Variants in FNDC1 observed in about 807,000 individuals in gnomAD.
FNDC1 encodes the protein fibronectin type III domain containing 1.
A neutral mutation model predicts 168.0 loss-of-function variants in FNDC1; 96 were observed. The observed-to-expected ratio is 0.57, with a 90% confidence interval of 0.48 to 0.68. The LOEUF (loss-of-function observed/expected upper bound fraction) is 0.68. FNDC1 is among the 30% of genes least tolerant of loss of function. The probability of loss-of-function intolerance (pLI) is 0.00; values close to 1 mark genes in which losing one functional copy is unlikely to be tolerated. For synonymous variants in FNDC1, 1,099 were observed against 1,025.9 expected (o/e 1.07, Z -1.36); for missense variants, 2,587 against 2,482.1 (o/e 1.04, Z -0.90).
intron 5 of FNDC1, among the ~76,000 whole-genome samples, chr6:159,221,207 C>G (rs1782814833): frequency 6.6e-6 from 1 of 152,182 alleles, no homozygotes; most frequent in Non-Finnish European, 1.5e-5. Context: ...GAGTAACCTC[C>G]TCTTCTCAAT....
chr6:159,269,619 CTATCTAT>C (rs1777700528), intron 22 of FNDC1, among the ~76,000 whole-genome samples: 1 of 151,134 alleles, frequency 6.6e-6, no homozygotes, highest in Non-Finnish European at 1.5e-5. Context: ...ATCTATCTAT[CTATCTAT>C]CTATCTATCT....
chr6:159,179,900 C>T (rs963612205), intron 1 of FNDC1, among the ~76,000 whole-genome samples: 5 of 152,068 alleles, frequency 3.3e-5, no homozygotes, highest in African/African-American at 1.2e-4. Context: ...GGGGTGGTGC[C>T]GAGTGTGGGA....
intron 4 of FNDC1, among the ~76,000 whole-genome samples, chr6:159,204,726 T>C (rs1417710208): frequency 6.6e-6 from 1 of 152,240 alleles, no homozygotes; most frequent in African/African-American, 2.4e-5. Context: ...GATGAAGAGC[T>C]GATCTGATTT....
chr6:159,197,759 C>T, intron 2 of FNDC1, 134 bp downstream of exon 2: 1 of 719,904 alleles, frequency 1.4e-6, no homozygotes, highest in Non-Finnish European at 2.2e-6. Context: ...GAATGGAGAG[C>T]TGAGTTCTGA....
chr6:159,232,819 T>C lies in FNDC1; in HGVS notation c.2307T>C (p.Ser769=). The C allele has an allele frequency of 6.2e-7, 1 of 1,613,948 alleles. No homozygotes were observed. Among genetic ancestry groups the C allele is most frequent in the Non-Finnish European group, 8.5e-7 (1 of 1,179,896 alleles). The part of the protein sequence containing the change: ...SRSTMSSSVS[S]HLSSRTQVSE... ...CCACCATGTCCTCCTCCGTCTCTTC[T>C]CATCTCTCGTCCAGGACGCAGGTCT... Residue 769 remains serine, a synonymous_variant, in exon 11 of 23, where the codon TCT becomes TCC. Coordinates refer to ENST00000297267, the MANE Select transcript of FNDC1 (RefSeq NM_032532.3). The surrounding 1 kb of genome is among the most constrained non-coding windows in gnomAD (Gnocchi z 4.9).
At chr6:159,200,158 G>A in intron 3 of FNDC1, 76 bp downstream of exon 3, 2 of 1,089,058 alleles carry the variant, frequency 1.8e-6, no homozygotes. Flanking sequence ...GCTTCTTCCA[G>A]TAAATATAAA....
Position 159,233,358 on chromosome 6 carries a change from C to T in FNDC1, c.2846C>T (p.Ala949Val). The part of the protein sequence containing the change: ...QGKYSSLASK[A>V]QDVQQSTDAD... ...AAGTACTCCTCCCTGGCCTCCAAGG[C>T]TCAGGATGTTCAACAGAGCACAGAC... The change falls in exon 11 of 23, where the codon GCT becomes GTT. Residue 949 changes from alanine (A) to valine (V), a missense_variant. Coordinates refer to ENST00000297267, the MANE Select transcript of FNDC1 (RefSeq NM_032532.3). The surrounding 1 kb of genome is among the most constrained non-coding windows in gnomAD (Gnocchi z 4.6). 6.2e-7 allele frequency: 1 copy of T among 1,613,934 alleles called. No homozygotes were observed. Among genetic ancestry groups the T allele is most frequent in the South Asian group, 1.1e-5 (1 of 91,064 alleles).
intron 4 of FNDC1, among the ~76,000 whole-genome samples, chr6:159,208,253 C>T (rs554477364): frequency 2.0e-5 from 3 of 152,240 alleles, no homozygotes; most frequent in Admixed American, 1.3e-4. Flanking sequence ...GATGGCACAG[C>T]GATGTCTACA....
intron 1 of FNDC1, among the ~76,000 whole-genome samples, chr6:159,186,715 C>T (rs1328171750): frequency 1.3e-5 from 2 of 152,232 alleles, no homozygotes; most frequent in Non-Finnish European, 2.9e-5. Flanking sequence ...GTGGAAAGTG[C>T]TCACACAGAA....
intron 22 of FNDC1, 47 bp from the exon 23 acceptor site, chr6:159,271,280 G>A (rs748639556): frequency 7.5e-7 from 1 of 1,337,102 alleles, no homozygotes; most frequent in Non-Finnish European, 1.1e-6. Flanking sequence ...TCTACCTGTT[G>A]GTTCAGGGGC....
intron 5 of FNDC1, among the ~76,000 whole-genome samples, chr6:159,219,914 A>G (rs1024910912): frequency 6.6e-6 from 1 of 152,228 alleles, no homozygotes; most frequent in Admixed American, 6.5e-5. Context: ...TTCTGGCGAG[A>G]TTCCATTGTC....
At chr6:159,185,979 G>A (rs1162357016) in intron 1 of FNDC1, among the ~76,000 whole-genome samples, 4 of 152,182 alleles carry the variant, frequency 2.6e-5, no homozygotes, top group Non-Finnish European at 5.9e-5. Context: ...AACTGGACTT[G>A]AATGGGACTA....
Position 159,249,046 on chromosome 6 carries a change from A to G in FNDC1, c.4698A>G (p.Glu1566=). ...GCCTTCATATCATTTCAGATTATGA[A>G]TTTGAGACGTCAAGGCCACCAACCA... ...EAYVIYDEDY[E]FETSRPPTTT... The change falls in exon 16 of 23, where the codon GAA becomes GAG. Residue 1566 remains glutamate (E), a synonymous_variant. Coordinates refer to ENST00000297267, the MANE Select transcript of FNDC1 (RefSeq NM_032532.3). 6.3e-7 allele frequency: 1 copy of G among 1,597,352 alleles called. No individual in the cohort carries two copies. The highest frequency in any genetic ancestry group is 2.3e-5 in the East Asian group (1 of 44,354).
intron 1 of FNDC1, among the ~76,000 whole-genome samples, chr6:159,193,832 G>T (rs957138432): frequency 6.6e-6 from 1 of 152,196 alleles, no homozygotes; most frequent in Admixed American, 6.5e-5. Flanking sequence ...TCTAGGTGGG[G>T]ATTGTGCCCT....
chr6:159,230,141 A>T, intron 10 of FNDC1, 138 bp downstream of exon 10: 1 of 691,086 alleles, frequency 1.4e-6, no homozygotes, highest in Non-Finnish European at 2.2e-6. Context: ...ATTGATTTTT[A>T]AAATATTTTT....
rs1026463360 is a variant in FNDC1, at chr6:159,194,295, A to G, written c.110-3136A>G. On this transcript the variant is annotated intron_variant, in intron 1 of 22. Coordinates refer to ENST00000297267, the MANE Select transcript of FNDC1 (RefSeq NM_032532.3). ...GAAGTTTCCTCCCAATGTTCCTTCTATTGGACTCTTTGATTCCTGTTGAAT... is the reference window on the plus strand; with the variant it reads ...GAAGTTTCCTCCCAATGTTCCTTCTGTTGGACTCTTTGATTCCTGTTGAAT... Among the ~76,000 whole-genome samples the G allele has an allele frequency of 3.3e-5, 5 of 152,284 alleles. No individual in the cohort carries two copies. In the South Asian group the frequency reaches 8.3e-4, roughly 25 times the overall value.
At position 159,234,478 on chromosome 6, in the gene FNDC1, AG is replaced by A; in HGVS notation, c.3967+1del. The A allele has an allele frequency of 6.2e-7, 1 of 1,613,028 alleles. No individual in the cohort carries two copies. Among genetic ancestry groups the A allele is most frequent in the Non-Finnish European group, 8.5e-7 (1 of 1,179,746 alleles). The part of the protein sequence containing the change: ...RQPARPSYRQ[G>X]YNGRPNVEGK... ...AGCCTGCCAGACCCTCTTACAGACAAGGTAGTTTATTTTTTCAAACAGTCTT... is the reference window on the plus strand; with the variant it reads ...AGCCTGCCAGACCCTCTTACAGACAAGTAGTTTATTTTTTCAAACAGTCTT... On this transcript the variant is annotated frameshift_variant and splice_region_variant, in exon 11 of 23. Coordinates refer to ENST00000297267, the MANE Select transcript of FNDC1 (RefSeq NM_032532.3). LOFTEE classifies it high-confidence loss of function.
intron 19 of FNDC1, 134 bp downstream of exon 19, chr6:159,261,403 G>GCAAA: frequency 1.6e-6 from 1 of 616,570 alleles, no homozygotes; most frequent in Non-Finnish European, 2.7e-6. Context: ...AGTTTCTAAA[G>GCAAA]TAAACATCAT....
At chr6:159,181,908 C>T (rs774049692) in intron 1 of FNDC1, among the ~76,000 whole-genome samples, 2 of 152,176 alleles carry the variant, frequency 1.3e-5, no homozygotes, top group East Asian at 1.9e-4. Context: ...AAAACCATCA[C>T]GTTCTCTTTT....
Sources: gnomAD v4.1 joint callset for allele counts (sites outside exome capture counted in the v4.1 genomes callset) on GRCh38, gnomAD v4.1.1 for gene constraint, Gnocchi (gnomAD v3.1) non-coding constraint, MANE v1.5 for transcripts, NCBI Gene and HGNC (gene_info 2026-07-23, HGNC 2026-07-21) for gene names.